The following TET1 variants were observed in gnomAD, a reference collection of about 807,000 sequenced individuals.
TET1 encodes methylcytosine dioxygenase TET1.
In TET1, 13 loss-of-function variants were observed where a neutral mutation model predicts 148.7. That is an observed-to-expected ratio of 0.09 (90% CI 0.06 to 0.14). The LOEUF (loss-of-function observed/expected upper bound fraction) is 0.14, where lower values mean the gene tolerates loss of function less well. Among genes scored for constraint, TET1 ranks in the 10% least tolerant of loss-of-function variants. TET1 has a pLI of 1.00. For synonymous variants in TET1, 907 were observed against 937.2 expected (o/e 0.97, Z 0.59); for missense variants, 2,182 against 2,553.8 (o/e 0.85, Z 3.14).
Position 68,595,935 on chromosome 10 carries a change from T to C in TET1, c.1915-5046T>C, listed in dbSNP as rs1371658314. The stretch of plus-strand genomic sequence containing the variant: ...CAGCCAAAACATATATATATATATA[T>C]ATATATATATATATATATATATATA... On this transcript the variant is annotated intron_variant, in intron 2 of 11. Transcript: ENST00000373644. 4.5e-4 allele frequency among the ~76,000 whole-genome samples: 12 copies of C among 26,616 alleles called. No homozygotes were observed. In the East Asian group the frequency reaches 0.013, roughly 30 times the overall value. 17.5% of individuals were successfully genotyped at this position (26,616 alleles called of 152,430 possible). A position where few individuals can be genotyped will look rare whatever the true frequency, so the allele number is the denominator to read the frequency against.
chr10:68,659,151 A>G (rs1183528663), intron 6 of TET1, among the ~76,000 whole-genome samples: 2 of 152,100 alleles, frequency 1.3e-5, no homozygotes, highest in Non-Finnish European at 1.5e-5. Context: ...AACTCTTTGT[A>G]TACTTCCCCT....
At chr10:68,673,449 A>G (rs1454410566) in intron 8 of TET1, 5 of 412,834 alleles carry the variant, frequency 1.2e-5, no homozygotes, top group Admixed American at 5.2e-5. Flanking sequence ...AAGAAGATAT[A>G]TGAAACCGGA....
intron 3 of TET1, among the ~76,000 whole-genome samples, chr10:68,612,914 G>A (rs1342736250): frequency 6.6e-6 from 1 of 152,154 alleles, no homozygotes; most frequent in Non-Finnish European, 1.5e-5. Flanking sequence ...CACCATGCCT[G>A]GCTGCTTTTA....
chr10:68,643,731 C>T (rs1009256640), intron 3 of TET1, among the ~76,000 whole-genome samples: 3 of 151,092 alleles, frequency 2.0e-5, no homozygotes, highest in African/African-American at 4.9e-5. Context: ...GAAAATTGCT[C>T]GAACCCGGGA....
chr10:68,657,411 C>G (rs1465365538), intron 6 of TET1, among the ~76,000 whole-genome samples: 1 of 152,082 alleles, frequency 6.6e-6, no homozygotes, highest in East Asian at 1.9e-4. Context: ...CTCCCGACCT[C>G]GTGATCCGCC....
Position 68,645,153 on chromosome 10 carries a change from T to C in TET1, c.2424T>C (p.Ala808=). Residue 808 remains alanine, a synonymous_variant, in exon 4 of 12, where the codon GCT becomes GCC. Coordinates refer to ENST00000373644, the MANE Select transcript of TET1 (RefSeq NM_030625.3). ...ATAAAAACGCTATGAGCTCTGTTGC[T>C]ACTGATATGAGTTGTGATCATCTCA... ...ANHKNAMSSV[A]TDMSCDHLKG... The C allele has an allele frequency of 6.2e-7, 1 of 1,614,174 alleles. No homozygotes were observed. The highest frequency in any genetic ancestry group is 8.5e-7 in the Non-Finnish European group (1 of 1,179,970).
At position 68,573,488 on chromosome 10, in the gene TET1, G is replaced by T. The variant is rs2053693887; in HGVS notation, c.1150G>T (p.Val384Phe). Reference protein sequence around the residue: ...HQWELPGADPVHGEALGETPD... With the variant: ...HQWELPGADPFHGEALGETPD... ...ATGGGAACTTCCTGGTGCTGACCCA[G>T]TTCATGGTGAGGCCCTGGGTGAGAC... is the stretch of plus-strand genomic sequence containing the variant. Residue 384 changes from valine (V) to phenylalanine (F), a missense_variant, in exon 2 of 12, where the codon GTT becomes TTT. By Grantham distance (50) the Val-to-Phe change is conservative. Coordinates refer to ENST00000373644, the MANE Select transcript of TET1 (RefSeq NM_030625.3). 2 of 1,614,046 alleles carry T rather than the reference G, an allele frequency of 1.2e-6. No individual in the cohort carries two copies. The highest frequency in any genetic ancestry group is 1.3e-5 in the African/African-American group (1 of 74,914).
At chr10:68,597,660 A>G (rs895501988) in intron 2 of TET1, among the ~76,000 whole-genome samples, 1 of 152,226 alleles carries the variant, frequency 6.6e-6, no homozygotes, top group South Asian at 2.1e-4. Flanking sequence ...ACCTATGTTC[A>G]TAGCAGTAAT....
chr10:68,688,023 C>T (rs2055538775), intron 11 of TET1, among the ~76,000 whole-genome samples: 1 of 152,002 alleles, frequency 6.6e-6, no homozygotes, highest in Non-Finnish European at 1.5e-5. Context: ...CTGCCTCAAA[C>T]TCTGGGATCC....
At chr10:68,600,244 G>C (rs1458976870) in intron 2 of TET1, among the ~76,000 whole-genome samples, 2 of 152,104 alleles carry the variant, frequency 1.3e-5, no homozygotes, top group Non-Finnish European at 2.9e-5. Flanking sequence ...GTACATTGGA[G>C]GCAGAGCAGC....
chr10:68,647,545 A>G (rs1007465818), intron 4 of TET1, among the ~76,000 whole-genome samples: 1 of 152,128 alleles, frequency 6.6e-6, no homozygotes, highest in Admixed American at 6.6e-5. Context: ...TGGAGGTTAC[A>G]GTGAGCCAAG....
At chr10:68,567,975 T>C (rs980853831) in intron 1 of TET1, among the ~76,000 whole-genome samples, 2 of 151,992 alleles carry the variant, frequency 1.3e-5, no homozygotes, top group African/African-American at 4.8e-5. Context: ...GTCTGCCAGG[T>C]TCAAGTGATT....
rs1240011393 is a variant in TET1, at chr10:68,574,084, T to G, written c.1746T>G (p.Thr582=). ...CTTCCTATACCACTTTGCTACCGAC[T>G]TTGGAAAAGAAGAAAAGAAAGCGAT... ...SSSSYTTLLP[T]LEKKKRKRCG... is the part of the protein sequence containing the mutation. The change falls in exon 2 of 12, where the codon ACT becomes ACG. Residue 582 remains threonine (T), a synonymous_variant. Transcript: ENST00000373644. 1.2e-6 allele frequency: 2 copies of G among 1,614,126 alleles called. No individual in the cohort carries two copies. The highest frequency in any genetic ancestry group is 1.7e-6 in the Non-Finnish European group (2 of 1,180,036).
intron 3 of TET1, among the ~76,000 whole-genome samples, chr10:68,613,938 CA>C (rs56302094): frequency 0.19 from 22,672 of 118,502 alleles, 1,726 homozygotes; most frequent in South Asian, 0.3. Flanking sequence ...GACTTCGTCT[CA>C]AAAAAAAAAA....
intron 2 of TET1, among the ~76,000 whole-genome samples, chr10:68,598,829 T>A (rs1010498029): frequency 2.0e-5 from 3 of 152,016 alleles, no homozygotes; most frequent in African/African-American, 7.2e-5. Flanking sequence ...TAGGTGGGAT[T>A]ACAGGCACCC....
chr10:68,599,894 T>C (rs1332656108), intron 2 of TET1, among the ~76,000 whole-genome samples: 2 of 151,984 alleles, frequency 1.3e-5, no homozygotes, highest in African/African-American at 4.8e-5. Flanking sequence ...CCACTCAGAG[T>C]GGCAAGTGTA....
chr10:68,612,548 A>T (rs903035257), intron 3 of TET1, among the ~76,000 whole-genome samples: 2 of 152,134 alleles, frequency 1.3e-5, no homozygotes, highest in Non-Finnish European at 2.9e-5. Context: ...AATAAAATAA[A>T]GTCCTTTATA....
intron 6 of TET1, among the ~76,000 whole-genome samples, chr10:68,656,470 G>T (rs1221311278): frequency 2.6e-5 from 4 of 152,188 alleles, no homozygotes; most frequent in African/African-American, 9.7e-5. Flanking sequence ...CACTGCATTA[G>T]CCAGGATGGT....
chr10:68,600,530 G>T (rs2054041592), intron 2 of TET1, among the ~76,000 whole-genome samples: 1 of 152,194 alleles, frequency 6.6e-6, no homozygotes, highest in Non-Finnish European at 1.5e-5. Context: ...GCTAAGCTCT[G>T]CATTGCCATT....
Sources: allele counts gnomAD v4.1 joint callset (sites outside exome capture counted in the v4.1 genomes callset), GRCh38; gene constraint gnomAD v4.1.1; transcripts MANE v1.5; gene names NCBI Gene and HGNC (gene_info 2026-07-23, HGNC 2026-07-21).